CATSPERE: variants seen among roughly 807,000 people sequenced by gnomAD.
The protein encoded by CATSPERE is cation channel sperm-associated auxiliary subunit epsilon.
In CATSPERE, 93 loss-of-function variants were observed where a neutral mutation model predicts 114.1. That is an observed-to-expected ratio of 0.81 (90% CI 0.69 to 0.97). The LOEUF is 0.97. Ranked by LOEUF, CATSPERE falls within the 50% of genes least tolerant of loss-of-function variation. The pLI is 0.00. For synonymous variants in CATSPERE, 341 were observed against 384.1 expected, an observed-to-expected ratio of 0.89 and a Z score of 1.31; for missense variants, 1,058 against 1,131.6, an observed-to-expected ratio of 0.93 and a Z score of 0.93.
At chr1:244,588,098 G>A (rs955719483) in intron 13 of CATSPERE, among the ~76,000 whole-genome samples, 1 of 151,644 alleles carries the variant, frequency 6.6e-6, no homozygotes, top group Non-Finnish European at 1.5e-5. Flanking sequence ...GGAGGCTGAG[G>A]CAGGAAAATC....
chr1:244,640,286 G>T lies in CATSPERE; in HGVS notation c.*205G>T. 1 of 391,684 alleles carries T rather than the reference G, an allele frequency of 2.6e-6. No homozygotes were observed. Among genetic ancestry groups the T allele is most frequent in the Non-Finnish European group, 4.5e-6 (1 of 221,256 alleles). 24.3% of individuals were successfully genotyped at this position (391,684 alleles called of 1,614,324 possible). ...TATATTGTTATTAAATTAATCCTTT[G>T]TTTGCCTTCATTTTAAAGATACTCT... On this transcript the variant is annotated 3_prime_UTR_variant, in exon 22 of 22. Transcript: ENST00000366534.
In CATSPERE at chr1:244,573,805, A is replaced by G. The variant is rs1664836879; in HGVS notation, c.1950+1033A>G. On this transcript the variant is annotated intron_variant, in intron 11 of 21. Coordinates refer to ENST00000366534, the MANE Select transcript of CATSPERE (RefSeq NM_001130957.2). The surrounding 1 kb of genome is among the most constrained non-coding windows in gnomAD (Gnocchi z 4.0). ...GTTACACTGCATACGGGACATGCAT[A>G]TGGGAATGGGAAAAATTCTTGCAGC... Among the ~76,000 whole-genome samples the G allele has an allele frequency of 6.6e-6, 1 of 152,230 alleles. No homozygotes were observed. The highest frequency in any genetic ancestry group is 6.5e-5 in the Admixed American group (1 of 15,280).
upstream of CATSPERE, chr1:244,451,916 G>A (rs1396270525): frequency 1.6e-6 from 2 of 1,273,444 alleles, no homozygotes; most frequent in Non-Finnish European, 2.1e-6. The surrounding 1 kb of genome is among the most constrained non-coding windows in gnomAD (Gnocchi z 6.6). Context: ...AGAGGAAGAA[G>A]GAGCCAGAGG....
intron 17 of CATSPERE, chr1:244,598,534 T>C: frequency 4.7e-6 from 1 of 211,536 alleles, no homozygotes; most frequent in Non-Finnish European, 1.0e-5. Context: ...TTCTTCTTGG[T>C]GTCTGTGTAC....
In CATSPERE at chr1:244,479,692, C is replaced by G. The variant is rs575320910; in HGVS notation, c.259-25C>G. 90 of 1,458,544 alleles carry G rather than the reference C, an allele frequency of 6.2e-5. No individual in the cohort carries two copies. In the East Asian group the frequency reaches 1.9e-3, roughly 32 times the overall value. The allele number at this position is 1,458,544 out of a possible 1,614,324, so 90.4% of individuals were successfully genotyped here. ...CATTTGATTTAATGTTAATATATCA[C>G]AGTTTCTTTTGCATTTTCTTTTAGG... is the stretch of plus-strand genomic sequence containing the variant. On this transcript the variant is annotated intron_variant, in intron 4 of 21. Coordinates refer to ENST00000366534, the MANE Select transcript of CATSPERE (RefSeq NM_001130957.2).
intron 9 of CATSPERE, among the ~76,000 whole-genome samples, chr1:244,554,511 G>A (rs1661283831): frequency 6.6e-6 from 1 of 151,956 alleles, no homozygotes. Context: ...GCAACATGGT[G>A]AGACCCCATC....
chr1:244,515,309 A>G, intron 7 of CATSPERE: 1 of 980,678 alleles, frequency 1.0e-6, no homozygotes, highest in Non-Finnish European at 1.2e-6. Context: ...CATGAAAGAT[A>G]CATACTCTCC....
intron 2 of CATSPERE, among the ~76,000 whole-genome samples, chr1:244,465,442 T>C (rs888420800): frequency 2.6e-5 from 4 of 152,248 alleles, no homozygotes; most frequent in Non-Finnish European, 5.9e-5. Context: ...CATAAATCCA[T>C]CTAGAGTCTG....
chr1:244,588,397 TA>T, intron 13 of CATSPERE, 84 bp from the exon 14 acceptor site: 1 of 985,774 alleles, frequency 1.0e-6, no homozygotes, highest in Non-Finnish European at 1.6e-6. Context: ...ATTTTAAATC[TA>T]AAATGCAATT....
chr1:244,551,249 G>C (rs928445126), intron 8 of CATSPERE, among the ~76,000 whole-genome samples: 1 of 152,138 alleles, frequency 6.6e-6, no homozygotes, highest in Non-Finnish European at 1.5e-5. Flanking sequence ...TAACAGAAAA[G>C]ATCAAAGCAT....
At chr1:244,471,201 T>C (rs1668426230) in intron 2 of CATSPERE, among the ~76,000 whole-genome samples, 2 of 152,328 alleles carry the variant, frequency 1.3e-5, no homozygotes, top group East Asian at 3.9e-4. Context: ...ATAACCGTAA[T>C]ACTAATTAGC....
chr1:244,584,317 T>C (rs921434441), intron 13 of CATSPERE, among the ~76,000 whole-genome samples: 1 of 152,074 alleles, frequency 6.6e-6, no homozygotes, highest in Non-Finnish European at 1.5e-5. Flanking sequence ...CATTTTATTA[T>C]GGAAAATGGT....
rs576966736 is a variant in CATSPERE at position 244,579,542 on chromosome 1, T to C, written c.1951-2254T>C. On this transcript the variant is annotated intron_variant, in intron 11 of 21. Transcript: ENST00000366534. ...CAAATCTCCAAAAAACTTTCCAGTATACTAATTGAAAAAAAATCCCATATA... is the reference window on the plus strand; with the variant it reads ...CAAATCTCCAAAAAACTTTCCAGTACACTAATTGAAAAAAAATCCCATATA... Among the ~76,000 whole-genome samples the C allele has an allele frequency of 3.3e-5, 5 of 152,326 alleles. No individual in the cohort carries two copies. In the South Asian group the frequency reaches 1.0e-3, roughly 32 times the overall value.
chr1:244,541,482 G>C (rs1465981312), intron 8 of CATSPERE, among the ~76,000 whole-genome samples: 14 of 146,702 alleles, frequency 9.5e-5, no homozygotes, highest in East Asian at 2.1e-4. Context: ...AGTTAGAATG[G>C]CAATCATTAA....
chr1:244,577,036 AT>A (rs576948748), intron 11 of CATSPERE, among the ~76,000 whole-genome samples: 281 of 152,126 alleles, frequency 1.8e-3, no homozygotes, highest in African/African-American at 6.6e-3. Context: ...ATAATGCATC[AT>A]TTCTGAGTTC....
intron 9 of CATSPERE, among the ~76,000 whole-genome samples, chr1:244,559,494 A>G (rs979756297): frequency 1.8e-4 from 27 of 152,220 alleles, no homozygotes; most frequent in African/African-American, 6.5e-4. Flanking sequence ...ATCCCAAAAA[A>G]TTAGAAACAG....
At chr1:244,558,812 C>G (rs1662099149) in intron 9 of CATSPERE, among the ~76,000 whole-genome samples, 1 of 152,186 alleles carries the variant, frequency 6.6e-6, no homozygotes, top group Non-Finnish European at 1.5e-5. Flanking sequence ...TCCTATTTCT[C>G]TGTCCCAATT....
intron 18 of CATSPERE, among the ~76,000 whole-genome samples, chr1:244,609,411 C>A (rs531444576): frequency 1.3e-5 from 2 of 150,742 alleles, no homozygotes; most frequent in Non-Finnish European, 2.9e-5. Context: ...AGTGCAGTGG[C>A]GTGATCTTGG....
Position 244,552,362 on chromosome 1 carries a change from C to G in CATSPERE, c.577C>G (p.Leu193Val). The G allele has an allele frequency of 1.2e-6, 2 of 1,613,646 alleles. No homozygotes were observed. Among genetic ancestry groups the G allele is most frequent in the South Asian group, 2.2e-5 (2 of 90,926 alleles). Residue 193 changes from leucine (L) to valine (V), a missense_variant, in exon 9 of 22, where the codon CTA (leucine) becomes GTA (valine). Physicochemically the swap from Leu to Val is conservative, Grantham distance 32. Coordinates refer to ENST00000366534, the MANE Select transcript of CATSPERE (RefSeq NM_001130957.2). ...IVVPMTKDDA[L>V]KEIRGNQVTF... ...AGTACCAATGACAAAAGATGATGCACTAAAGGAGATTAGAGGAAACCAAGT... is the reference window on the plus strand; with the variant it reads ...AGTACCAATGACAAAAGATGATGCAGTAAAGGAGATTAGAGGAAACCAAGT...
Sources: allele counts gnomAD v4.1 joint callset (sites outside exome capture counted in the v4.1 genomes callset), GRCh38; gene constraint gnomAD v4.1.1; non-coding constraint Gnocchi (gnomAD v3.1); transcripts MANE v1.5; gene names NCBI Gene and HGNC (gene_info 2026-07-23, HGNC 2026-07-21).